RLN3: variants seen among roughly 807,000 people sequenced by gnomAD.
RLN3 encodes relaxin 3, also known as relaxin-3.
Under a neutral mutation model 10.2 loss-of-function variants are expected in RLN3, and 13 were observed. The observed-to-expected ratio is 1.28, with a 90% CI of 0.83 to 2.03. The LOEUF (loss-of-function observed/expected upper bound fraction) is 2.03. Ranked by LOEUF, RLN3 falls within the 30% of genes most tolerant of loss-of-function variation. The pLI is 0.00. For missense variants in RLN3, 191 were observed against 187.2 expected, an observed-to-expected ratio of 1.02 and a Z score of -0.12; for synonymous variants, 56 against 79.2, an observed-to-expected ratio of 0.71 and a Z score of 1.56.
rs749429957 is a variant in RLN3, at chr19:14,030,934, A to G, written c.415A>G (p.Ser139Gly). The G allele has an allele frequency of 5.1e-6, 8 of 1,569,774 alleles. No individual in the cohort carries two copies. Among genetic ancestry groups the G allele is most frequent in the Non-Finnish European group, 6.9e-6 (8 of 1,156,138 alleles). ...CKWGCSKSEISSLC is the reference protein window; with the variant it reads ...CKWGCSKSEIGSLC ...GTGGGGGTGTAGCAAAAGTGAAATC[A>G]GTAGCCTTTGCTAGTTTGAGGGCTG... Residue 139 changes from serine to glycine, a missense_variant, in exon 2 of 2, where the codon AGT becomes GGT. Coordinates refer to ENST00000431365, the MANE Select transcript of RLN3 (RefSeq NM_080864.4).
In RLN3 at chr19:14,030,767, A is replaced by C; in HGVS notation, c.248A>C (p.Glu83Ala). The change falls in exon 2 of 2, where the codon GAG (glutamate) becomes GCG (alanine). Residue 83 changes from glutamate to alanine, a missense_variant. Coordinates refer to ENST00000431365, the MANE Select transcript of RLN3 (RefSeq NM_080864.4). The stretch of plus-strand genomic sequence containing the variant: ...GACAGTCTGGCAGGCGAGCTGGATG[A>C]GGCCATGGGGTCCAGCGAGTGGCTG... ...DEDSLAGELD[E>A]AMGSSEWLAL... 6.2e-7 allele frequency: 1 copy of C among 1,614,218 alleles called. No individual in the cohort carries two copies. Among genetic ancestry groups the C allele is most frequent in the Non-Finnish European group, 8.5e-7 (1 of 1,180,034 alleles).
Sources: gnomAD v4.1 joint callset for allele counts on GRCh38, gnomAD v4.1.1 for gene constraint, MANE v1.5 for transcripts, NCBI Gene and HGNC (gene_info 2026-07-23, HGNC 2026-07-21) for gene names.